Variants in ULK4 observed in about 807,000 individuals in gnomAD.
The protein encoded by ULK4 is inactive serine/threonine-protein kinase ULK4.
ULK4 carries 133 observed loss-of-function variants against 160.6 expected under a neutral mutation model. The observed-to-expected ratio is 0.83, with a 90% confidence interval of 0.72 to 0.96. ULK4 has a LOEUF of 0.96. Ranked by LOEUF, ULK4 falls within the 40% of genes least tolerant of loss-of-function variation. The pLI is 0.00. For synonymous variants in ULK4, 534 were observed against 539.8 expected (o/e 0.99, Z 0.15); for missense variants, 1,580 against 1,499.5 (o/e 1.05, Z -0.89).
At chr3:41,631,948 C>T (rs2033764700) in intron 30 of ULK4, among the ~76,000 whole-genome samples, 1 of 152,188 alleles carries the variant, frequency 6.6e-6, no homozygotes, top group East Asian at 1.9e-4. Context: ...CTCCCACATT[C>T]TGTCCAGTGC....
chr3:41,891,365 G>A (rs146332264), intron 16 of ULK4, among the ~76,000 whole-genome samples: 2,644 of 140,166 alleles, frequency 0.019, 257 homozygotes, highest in African/African-American at 0.076. Context: ...GAGGGAGGGA[G>A]GCAGGCAGGC....
At chr3:41,448,869 G>A (rs139039496) in intron 34 of ULK4, among the ~76,000 whole-genome samples, 2 of 152,216 alleles carry the variant, frequency 1.3e-5, no homozygotes, top group East Asian at 1.9e-4. Context: ...AGCACAAAAG[G>A]AGGAACAGTT....
rs141115358 is a variant in ULK4, at chr3:41,649,276, G to A, written c.3071+14331C>T. On this transcript the variant is annotated intron_variant, in intron 30 of 36. Coordinates refer to ENST00000301831, the MANE Select transcript of ULK4 (RefSeq NM_017886.4). Reference sequence around the variant, plus strand: ...AGCGGCCTCTCCAAAGATGCCAGCTGTAGTGGGGGAGGTGTGGCCAAGGAT... The same window carrying A: ...AGCGGCCTCTCCAAAGATGCCAGCTATAGTGGGGGAGGTGTGGCCAAGGAT... Among the ~76,000 whole-genome samples, 1,457 of 152,294 alleles carry A rather than the reference G, an allele frequency of 9.6e-3. 8 individuals carry two copies. Among genetic ancestry groups the A allele is most frequent in the Non-Finnish European group, 0.016 (1,083 of 68,022 alleles).
chr3:41,498,696 C>T (rs528503638), intron 32 of ULK4, among the ~76,000 whole-genome samples: 2 of 151,776 alleles, frequency 1.3e-5, no homozygotes, highest in African/African-American at 2.4e-5. Context: ...CCTGGGTTCA[C>T]GCCATTCTCC....
chr3:41,635,580 G>T (rs1246307512), intron 30 of ULK4, among the ~76,000 whole-genome samples: 1 of 152,072 alleles, frequency 6.6e-6, no homozygotes, highest in East Asian at 1.9e-4. Flanking sequence ...ACATGACATA[G>T]GATCAACCCA....
chr3:41,555,230 A>C (rs934618215), intron 32 of ULK4, among the ~76,000 whole-genome samples: 1 of 152,110 alleles, frequency 6.6e-6, no homozygotes, highest in Non-Finnish European at 1.5e-5. Flanking sequence ...ATAACTACTC[A>C]ATAAAAATGC....
intron 17 of ULK4, among the ~76,000 whole-genome samples, chr3:41,864,368 G>A (rs565216107): frequency 8.5e-6 from 1 of 117,212 alleles, no homozygotes; most frequent in East Asian, 1.9e-4. Flanking sequence ...GTTTTGTTTT[G>A]TTTTGTTTTG....
chr3:41,482,124 A>C (rs563780872), intron 32 of ULK4, among the ~76,000 whole-genome samples: 83 of 152,214 alleles, frequency 5.5e-4, no homozygotes, highest in Non-Finnish European at 1.0e-3. Flanking sequence ...ATCACCCTGA[A>C]TTCTTTTTTG....
intron 32 of ULK4, among the ~76,000 whole-genome samples, chr3:41,564,586 G>A (rs1022943515): frequency 6.7e-6 from 1 of 150,142 alleles, no homozygotes; most frequent in African/African-American, 2.5e-5. Flanking sequence ...AGCCTCCCGA[G>A]TAGCTGGGAC....
chr3:41,871,629 T>C (rs1368721322), intron 17 of ULK4, among the ~76,000 whole-genome samples: 1 of 152,240 alleles, frequency 6.6e-6, no homozygotes, highest in Non-Finnish European at 1.5e-5. Context: ...ACTCATCTAC[T>C]ATTCATATAG....
chr3:41,252,850 A>C (rs922211466), intron 35 of ULK4, among the ~76,000 whole-genome samples: 2 of 152,130 alleles, frequency 1.3e-5, no homozygotes, highest in African/African-American at 2.4e-5. Context: ...ATCCATAACC[A>C]AATCCATCAA....
chr3:41,301,501 A>G (rs1479306545), intron 35 of ULK4, among the ~76,000 whole-genome samples: 2 of 152,166 alleles, frequency 1.3e-5, no homozygotes, highest in African/African-American at 4.8e-5. Flanking sequence ...ACCAATCCTA[A>G]TTTATTTAAT....
At chr3:41,403,963 T>C (rs2082239503) in intron 34 of ULK4, among the ~76,000 whole-genome samples, 1 of 152,184 alleles carries the variant, frequency 6.6e-6, no homozygotes, top group Non-Finnish European at 1.5e-5. Flanking sequence ...CTATACTATT[T>C]CAATTCTTTT....
chr3:41,418,179 C>T (rs1481237916), intron 34 of ULK4, among the ~76,000 whole-genome samples: 1 of 152,114 alleles, frequency 6.6e-6, no homozygotes, highest in African/African-American at 2.4e-5. Flanking sequence ...CTGTTCCTAA[C>T]ACAGTCCAAA....
At chr3:41,745,696 A>C (rs2038396621) in intron 22 of ULK4, among the ~76,000 whole-genome samples, 2 of 151,672 alleles carry the variant, frequency 1.3e-5, no homozygotes, top group African/African-American at 4.9e-5. Flanking sequence ...AAGGAGGGAG[A>C]AAGCAAGCAA....
chr3:41,640,486 G>C (rs2034139177), intron 30 of ULK4, among the ~76,000 whole-genome samples: 3 of 152,130 alleles, frequency 2.0e-5, no homozygotes, highest in African/African-American at 4.8e-5. Flanking sequence ...TAGTGTCCCA[G>C]GAAGCCTAAG....
intron 32 of ULK4, among the ~76,000 whole-genome samples, chr3:41,468,663 A>C (rs996230454): frequency 6.6e-6 from 1 of 152,164 alleles, no homozygotes; most frequent in Non-Finnish European, 1.5e-5. Context: ...GGGTAAGATA[A>C]AAGGGTCTTA....
intron 27 of ULK4, among the ~76,000 whole-genome samples, chr3:41,696,849 C>T (rs1057414961): frequency 2.0e-5 from 3 of 152,062 alleles, no homozygotes; most frequent in Admixed American, 6.6e-5. Flanking sequence ...GAAGATGTAA[C>T]AATAAAAGCA....
intron 32 of ULK4, among the ~76,000 whole-genome samples, chr3:41,564,424 G>C (rs889525813): frequency 2.7e-5 from 4 of 148,664 alleles, no homozygotes; most frequent in Non-Finnish European, 5.9e-5. Flanking sequence ...ACAGCTGTCA[G>C]ACAGGGACGT....
Sources: gnomAD v4.1 joint callset for allele counts (sites outside exome capture counted in the v4.1 genomes callset) on GRCh38, gnomAD v4.1.1 for gene constraint, MANE v1.5 for transcripts, NCBI Gene and HGNC (gene_info 2026-07-23, HGNC 2026-07-21) for gene names.